ERICH1: variants seen among roughly 807,000 people sequenced by gnomAD.
The protein encoded by ERICH1 is glutamate-rich protein 1.
A neutral mutation model predicts 39.6 loss-of-function variants in ERICH1; 56 were observed. That is an observed-to-expected ratio of 1.41 (90% CI 1.14 to 1.77). ERICH1 has a LOEUF of 1.77. ERICH1 is among the 40% of genes most tolerant of loss of function. The pLI, the probability that ERICH1 is intolerant of heterozygous loss-of-function variation, is 0.00. For missense variants in ERICH1, 826 were observed against 575.4 expected, an observed-to-expected ratio of 1.44 and a Z score of -4.45; for synonymous variants, 313 against 223.6, an observed-to-expected ratio of 1.40 and a Z score of -3.57.
downstream of ERICH1, among the ~76,000 whole-genome samples, chr8:660,154 C>T (rs536796183): frequency 9.5e-4 from 135 of 142,506 alleles, no homozygotes; most frequent in African/African-American, 3.6e-3. Flanking sequence ...TGGCTGAGCT[C>T]CCGAAGGCAG....
Position 673,976 on chromosome 8 carries a change from G to A in ERICH1, c.376C>T (p.Pro126Ser), listed in dbSNP as rs1332965005. The change falls in exon 4 of 6, where the codon CCC (proline) becomes TCC (serine). Residue 126 changes from proline to serine, a missense_variant. By Grantham distance (74) the Pro-to-Ser change is moderately conservative. Coordinates refer to ENST00000262109, the MANE Select transcript of ERICH1 (RefSeq NM_207332.3). ...KHKSKKKFKNPNNVLIEQAEL... is the reference protein window; with the variant it reads ...KHKSKKKFKNSNNVLIEQAEL... The stretch of plus-strand genomic sequence containing the variant: ...GCTTGTTCTATAAGAACATTATTGG[G>A]ATTTTTAAATTTTTTCTTTGATTTA... The A allele has an allele frequency of 3.8e-6, 6 of 1,591,796 alleles. No individual in the cohort carries two copies. Among genetic ancestry groups the A allele is most frequent in the African/African-American group, 1.4e-5 (1 of 73,382 alleles).
At chr8:678,962 C>G (rs1301632286) in intron 3 of ERICH1, among the ~76,000 whole-genome samples, 2 of 152,096 alleles carry the variant, frequency 1.3e-5, no homozygotes, top group African/African-American at 4.8e-5. Flanking sequence ...TCTGGCCCCT[C>G]AAAGCTTCAG....
At chr8:668,173 G>C (rs914767687) in intron 5 of ERICH1, 1 of 255,986 alleles carries the variant, frequency 3.9e-6, no homozygotes, top group Admixed American at 5.2e-5. Context: ...TGCATGAAAA[G>C]GATGCCCGGT....
intron 4 of ERICH1, among the ~76,000 whole-genome samples, chr8:670,971 G>T (rs1803186688): frequency 6.6e-6 from 1 of 150,854 alleles, no homozygotes; most frequent in African/African-American, 2.4e-5. Context: ...GCCAGCCCCA[G>T]CTCCAACACC....
chr8:630,800 C>A (rs76777040), intron 3 of ERICH1, among the ~76,000 whole-genome samples: 1 of 117,618 alleles, frequency 8.5e-6, no homozygotes, highest in East Asian at 3.2e-4. Context: ...CACACCCTCC[C>A]GTGACCACCC....
intron 3 of ERICH1, among the ~76,000 whole-genome samples, chr8:681,733 T>C (rs1323328831): frequency 6.6e-6 from 1 of 152,218 alleles, no homozygotes; most frequent in Non-Finnish European, 1.5e-5. Context: ...AACCATCTCT[T>C]AAGCAGAAGC....
At chr8:653,022 T>C (rs999625172) in intron 3 of ERICH1, among the ~76,000 whole-genome samples, 13 of 152,288 alleles carry the variant, frequency 8.5e-5, no homozygotes, top group African/African-American at 3.1e-4. Flanking sequence ...GGTACAGCCA[T>C]TGTGGAAGAC....
rs147896302 is a variant in ERICH1 at position 625,210 on chromosome 8, A to C, written c.977-9926T>G. ...ATATCAGAGTCATTCACAATCACCC[A>C]AAAGCAGAAACAACCCAAATGCTTC... On this transcript the variant is annotated intron_variant, in intron 3 of 3. Transcript: ENST00000522706. Among the ~76,000 whole-genome samples, 313 of 152,348 alleles carry C rather than the reference A, an allele frequency of 2.1e-3. 1 individual carries two copies. Among genetic ancestry groups the C allele is most frequent in the African/African-American group, 6.9e-3 (285 of 41,584 alleles).
At chr8:701,435 G>C (rs1167830238) in intron 2 of ERICH1, among the ~76,000 whole-genome samples, 1 of 152,216 alleles carries the variant, frequency 6.6e-6, no homozygotes, top group African/African-American at 2.4e-5. Flanking sequence ...GGTGTGCCCT[G>C]CTGGATGGGA....
At chr8:640,726 C>T (rs1585002108) in intron 3 of ERICH1, 1 of 152,158 alleles carries the variant, frequency 6.6e-6, no homozygotes, top group African/African-American at 2.4e-5. Context: ...TTCCTGAGTC[C>T]ATGTCATCGG....
In ERICH1 at chr8:628,685, C is replaced by T. The variant is rs558772852; in HGVS notation, c.977-13401G>A. Among the ~76,000 whole-genome samples the T allele has an allele frequency of 3.3e-4, 51 of 152,314 alleles. 1 individual carries two copies. Among genetic ancestry groups the T allele is most frequent in the Non-Finnish European group, 5.0e-4 (34 of 68,020 alleles). On this transcript the variant is annotated intron_variant, in intron 3 of 3. Coordinates refer to the ERICH1 transcript ENST00000522706. ...AACACAAAGCAAAGCCAGAGGAGGACGATGAGATGGGAATAACACCCTGTG... is the reference window on the plus strand; with the variant it reads ...AACACAAAGCAAAGCCAGAGGAGGATGATGAGATGGGAATAACACCCTGTG...
chr8:708,580 T>G (rs1319116571), intron 2 of ERICH1, among the ~76,000 whole-genome samples: 4 of 151,828 alleles, frequency 2.6e-5, no homozygotes, highest in Non-Finnish European at 5.9e-5. Context: ...TCCATTTATA[T>G]GACATGTCCA....
Position 668,623 on chromosome 8 carries a change from G to A in ERICH1, c.1233C>T (p.Phe411=). 1 of 1,614,198 alleles carries A rather than the reference G, an allele frequency of 6.2e-7. No individual in the cohort carries two copies. Among genetic ancestry groups the A allele is most frequent in the South Asian group, 1.1e-5 (1 of 91,078 alleles). The part of the protein sequence containing the change: ...TERLKHALEM[F]PEHCTMPPDH... ...CAGGAGGCATCGTGCAATGTTCTGG[G>A]AACATTTCCAGAGCATGCTTCAATC... The change falls in exon 5 of 6, where the codon TTC becomes TTT. Residue 411 remains phenylalanine (F), a synonymous_variant. Coordinates refer to ENST00000262109, the MANE Select transcript of ERICH1 (RefSeq NM_207332.3).
chr8:664,516 C>G lies in ERICH1; in HGVS notation c.*87G>C. 6.9e-7 allele frequency: 1 copy of G among 1,440,488 alleles called. No homozygotes were observed. Among genetic ancestry groups the G allele is most frequent in the Non-Finnish European group, 9.2e-7 (1 of 1,091,976 alleles). 89.2% of individuals were successfully genotyped at this position (1,440,488 alleles called of 1,614,324 possible). ...ATATGGCATAAATGTCTTTCAAGTT[C>G]CCAGAGAACTAACTCTAAGCCCATC... is the stretch of plus-strand genomic sequence containing the variant. On this transcript the variant is annotated 3_prime_UTR_variant, in exon 6 of 6. Transcript: ENST00000262109.
chr8:663,704 C>A (rs1438750231), downstream of ERICH1, among the ~76,000 whole-genome samples: 1 of 151,672 alleles, frequency 6.6e-6, no homozygotes, highest in Non-Finnish European at 1.5e-5. Context: ...CAATAAAACC[C>A]TTTCATAGAT....
At chr8:663,777 T>A (rs1017683147), downstream of ERICH1, among the ~76,000 whole-genome samples, 30 of 152,236 alleles carry the variant, frequency 2.0e-4, no homozygotes, top group African/African-American at 6.7e-4. Context: ...TTTTTTATTT[T>A]GAGCTGGAGT....
At chr8:627,793 C>T (rs748639458) in intron 3 of ERICH1, among the ~76,000 whole-genome samples, 2 of 152,200 alleles carry the variant, frequency 1.3e-5, no homozygotes, top group African/African-American at 2.4e-5. Flanking sequence ...AAGCCTCCAT[C>T]CAACTGTGTG....
At chr8:718,147 G>A (rs936006139) in intron 1 of ERICH1, among the ~76,000 whole-genome samples, 6 of 150,684 alleles carry the variant, frequency 4.0e-5, no homozygotes, top group South Asian at 4.2e-4. Flanking sequence ...GGTACAGATC[G>A]GAGCGCACGG....
rs1796954042 is a variant in ERICH1, at chr8:616,946, GAGGGAGACAGAGACACAC to G, written c.977-1680_977-1663del. 2.7e-4 allele frequency among the ~76,000 whole-genome samples: 11 copies of G among 40,072 alleles called. 1 individual carries two copies. The highest frequency in any genetic ancestry group is 1.8e-3 in the African/African-American group (9 of 4,966). 26.3% of individuals were successfully genotyped at this position (40,072 alleles called of 152,430 possible). A position where few individuals can be genotyped will look rare whatever the true frequency, so the allele number is the denominator to read the frequency against. ...AGAAAGAGACAGAGAGAGAGAGGGA[GAGGGAGACAGAGACACAC>G]AGAGAGAGAGAGAGAGAGACATTGG... On this transcript the variant is annotated intron_variant, in intron 3 of 3. Transcript: ENST00000522706.
Sources: allele counts gnomAD v4.1 joint callset (sites outside exome capture counted in the v4.1 genomes callset), GRCh38; gene constraint gnomAD v4.1.1; transcripts MANE v1.5; gene names NCBI Gene and HGNC (gene_info 2026-07-23, HGNC 2026-07-21).